CLYBL: variants seen among roughly 807,000 people sequenced by gnomAD.
The protein encoded by CLYBL is citramalyl-CoA lyase.
In CLYBL, 31 loss-of-function variants were observed where a neutral mutation model predicts 38.9. That is an observed-to-expected ratio of 0.80 (90% CI 0.60 to 1.08). CLYBL has a LOEUF of 1.08. Ranked by LOEUF, CLYBL falls within the 50% of genes least tolerant of loss-of-function variation. The pLI is 0.00. For missense variants in CLYBL, 434 were observed against 411.6 expected (o/e 1.05, Z -0.47); for synonymous variants, 171 against 158.6 (o/e 1.08, Z -0.59).
Position 99,702,523 on chromosome 13 carries a change from T to C in CLYBL, c.63-70301T>C, listed in dbSNP as rs562294252. On this transcript the variant is annotated intron_variant, in intron 1 of 8. Transcript: ENST00000339105. ...GTCGCATGCCTGTAATCCGAGCTAC[T>C]TAGGAGGCTGAGGCAGGAGAGTCGC... Among the ~76,000 whole-genome samples, 4 of 151,682 alleles carry C rather than the reference T, an allele frequency of 2.6e-5. No individual in the cohort carries two copies. In the East Asian group the frequency reaches 7.8e-4, roughly 30 times the overall value.
At chr13:99,887,357 TC>T (rs531031339) in intron 7 of CLYBL, among the ~76,000 whole-genome samples, 65 of 152,320 alleles carry the variant, frequency 4.3e-4, no homozygotes, top group African/African-American at 1.5e-3. Context: ...TTATCCCTGT[TC>T]TATTATATCT....
At chr13:99,905,082 AC>A (rs2052682117) in intron 8 of CLYBL, among the ~76,000 whole-genome samples, 1 of 151,762 alleles carries the variant, frequency 6.6e-6, no homozygotes, top group African/African-American at 2.4e-5. Flanking sequence ...GGGGTGCTTC[AC>A]ACTGGAGGGT....
chr13:99,888,289 C>G (rs2052401960), intron 7 of CLYBL, among the ~76,000 whole-genome samples: 1 of 136,870 alleles, frequency 7.3e-6, no homozygotes, highest in African/African-American at 2.8e-5. Flanking sequence ...TTTGCCACAA[C>G]TAAAAAGAAA....
intron 1 of CLYBL, among the ~76,000 whole-genome samples, chr13:99,631,238 C>T (rs1451279029): frequency 2.0e-5 from 3 of 151,902 alleles, no homozygotes; most frequent in Admixed American, 6.6e-5. Context: ...GGGAGGATTG[C>T]TTGAGCCTGG....
At chr13:99,860,200 A>C (rs1228965791) in intron 3 of CLYBL, among the ~76,000 whole-genome samples, 2 of 152,234 alleles carry the variant, frequency 1.3e-5, no homozygotes, top group Non-Finnish European at 2.9e-5. Context: ...AAGAGAATGT[A>C]AACTATCTCG....
chr13:99,858,663 G>A (rs763371747), intron 2 of CLYBL, among the ~76,000 whole-genome samples, 198 bp from the exon 3 acceptor site: 3 of 152,172 alleles, frequency 2.0e-5, no homozygotes, highest in Non-Finnish European at 2.9e-5. Flanking sequence ...TAGCTATCGC[G>A]AATGAAACCT....
intron 2 of CLYBL, among the ~76,000 whole-genome samples, chr13:99,805,375 A>G (rs1279740486): frequency 6.6e-6 from 1 of 152,146 alleles, no homozygotes; most frequent in Non-Finnish European, 1.5e-5. Flanking sequence ...CTATATGTTA[A>G]CCAAGGAGAA....
chr13:99,890,588 C>A (rs2052463884), intron 7 of CLYBL, among the ~76,000 whole-genome samples: 1 of 152,166 alleles, frequency 6.6e-6, no homozygotes, highest in Admixed American at 6.5e-5. Context: ...GCCTCAGCCT[C>A]CCGAGTAGCT....
chr13:99,807,775 A>G (rs949193727), intron 2 of CLYBL, among the ~76,000 whole-genome samples: 3 of 152,214 alleles, frequency 2.0e-5, no homozygotes, highest in Non-Finnish European at 4.4e-5. Flanking sequence ...TAAAGGGTTT[A>G]AAACAGTAAA....
At chr13:99,638,947 G>T (rs531868263) in intron 1 of CLYBL, among the ~76,000 whole-genome samples, 2 of 152,126 alleles carry the variant, frequency 1.3e-5, no homozygotes, top group African/African-American at 4.8e-5. Context: ...AGCTGGGATC[G>T]CAACCACAGG....
chr13:99,748,446 T>G (rs1373065558), intron 1 of CLYBL, among the ~76,000 whole-genome samples: 16 of 134,962 alleles, frequency 1.2e-4, no homozygotes, highest in Admixed American at 5.0e-4. Flanking sequence ...TTTTTTTTTT[T>G]TTTTTTTTTT....
intron 1 of CLYBL, among the ~76,000 whole-genome samples, chr13:99,716,594 G>C (rs1177980808): frequency 6.6e-6 from 1 of 151,310 alleles, no homozygotes; most frequent in African/African-American, 2.4e-5. Context: ...ATGTTGGTCA[G>C]GCTGGTCTCA....
chr13:99,654,788 G>T (rs555902252), intron 1 of CLYBL, among the ~76,000 whole-genome samples: 1 of 152,100 alleles, frequency 6.6e-6, no homozygotes, highest in African/African-American at 2.4e-5. Context: ...GGCTGATCAC[G>T]AGGTCAGGAG....
chr13:99,767,545 C>A (rs997419243), intron 1 of CLYBL, among the ~76,000 whole-genome samples: 12 of 152,158 alleles, frequency 7.9e-5, no homozygotes, highest in Admixed American at 5.9e-4. Context: ...TCTTGCTACC[C>A]TTTTCTCTCT....
At chr13:99,808,633 G>C (rs944680069) in intron 2 of CLYBL, among the ~76,000 whole-genome samples, 1 of 152,162 alleles carries the variant, frequency 6.6e-6, no homozygotes, top group Non-Finnish European at 1.5e-5. Context: ...TAATAAAGTC[G>C]TAAATGGTGC....
At chr13:99,732,169 G>GTTTTTTTT (rs35027014) in intron 1 of CLYBL, among the ~76,000 whole-genome samples, 6 of 90,778 alleles carry the variant, frequency 6.6e-5, no homozygotes, top group Non-Finnish European at 6.3e-5. Flanking sequence ...TTATATGGCA[G>GTTTTTTTT]TTTTTTTTTT....
intron 1 of CLYBL, among the ~76,000 whole-genome samples, chr13:99,733,112 A>G (rs1418191994): frequency 6.6e-6 from 1 of 152,192 alleles, no homozygotes. Flanking sequence ...AGTAATTCCT[A>G]AAATCATGGC....
chr13:99,707,973 G>A (rs1286220782), intron 1 of CLYBL, among the ~76,000 whole-genome samples: 1 of 151,994 alleles, frequency 6.6e-6, no homozygotes, highest in Non-Finnish European at 1.5e-5. Context: ...AGAGTGCTGG[G>A]TATTTAGTTT....
At chr13:99,690,509 C>T (rs1390918208) in intron 1 of CLYBL, 1 of 152,106 alleles carries the variant, frequency 6.6e-6, no homozygotes, top group African/African-American at 2.4e-5. Context: ...CACCGTAATA[C>T]CGCACAGCTT....
Sources: allele counts gnomAD v4.1 joint callset (sites outside exome capture counted in the v4.1 genomes callset), GRCh38; gene constraint gnomAD v4.1.1; transcripts MANE v1.5; gene names NCBI Gene and HGNC (gene_info 2026-07-23, HGNC 2026-07-21).